FTO: variants seen among roughly 807,000 people sequenced by gnomAD.
The protein encoded by FTO is FTO alpha-ketoglutarate dependent dioxygenase.
A neutral mutation model predicts 63.9 loss-of-function variants in FTO; 47 were observed. The observed-to-expected ratio is 0.74, with a 90% CI of 0.58 to 0.94. FTO has a LOEUF of 0.94. FTO is among the 40% of genes least tolerant of loss of function. FTO has a pLI of 0.00. For missense variants in FTO, 562 were observed against 618.1 expected, an observed-to-expected ratio of 0.91 and a Z score of 0.96; for synonymous variants, 207 against 224.4, an observed-to-expected ratio of 0.92 and a Z score of 0.69.
chr16:53,874,303 A>G (rs1269217205), intron 5 of FTO, among the ~76,000 whole-genome samples: 2 of 152,190 alleles, frequency 1.3e-5, no homozygotes, highest in Admixed American at 1.3e-4. Context: ...ATGTGAATGT[A>G]AAGAGAAAGT....
intron 2 of FTO, among the ~76,000 whole-genome samples, chr16:53,823,945 A>G (rs2078935306): frequency 6.6e-6 from 1 of 152,154 alleles, no homozygotes; most frequent in Admixed American, 6.5e-5. Flanking sequence ...CATCTAATTC[A>G]TAAGCACATC....
intron 4 of FTO, among the ~76,000 whole-genome samples, chr16:53,854,758 A>G (rs1392543945): frequency 2.6e-5 from 4 of 152,118 alleles, no homozygotes; most frequent in Non-Finnish European, 4.4e-5. Flanking sequence ...TTCATTGGCT[A>G]TTCAGGCTCT....
intron 8 of FTO, among the ~76,000 whole-genome samples, chr16:54,074,915 A>AGT (rs1295546396): frequency 3.4e-4 from 43 of 127,350 alleles, no homozygotes; most frequent in East Asian, 1.1e-3. Flanking sequence ...AGAGAGAGAG[A>AGT]GAGTGTGTGT....
chr16:54,093,510 C>T (rs1404717671), intron 8 of FTO, among the ~76,000 whole-genome samples: 1 of 152,212 alleles, frequency 6.6e-6, no homozygotes, highest in Non-Finnish European at 1.5e-5. Flanking sequence ...TCTCCTGACT[C>T]ACCGCCGAGC....
At chr16:53,729,553 C>T (rs538720445) in intron 1 of FTO, among the ~76,000 whole-genome samples, 91 of 151,746 alleles carry the variant, frequency 6.0e-4, no homozygotes, top group Admixed American at 2.4e-3. Context: ...TTCACAATTT[C>T]GTGGAGATTT....
At chr16:54,026,208 C>T (rs771116251) in intron 8 of FTO, among the ~76,000 whole-genome samples, 1 of 152,174 alleles carries the variant, frequency 6.6e-6, no homozygotes, top group Non-Finnish European at 1.5e-5. Flanking sequence ...CTGGTGGCTC[C>T]ACAACATCAC....
At chr16:53,843,173 A>G (rs2079523102) in intron 3 of FTO, among the ~76,000 whole-genome samples, 1 of 152,238 alleles carries the variant, frequency 6.6e-6, no homozygotes, top group South Asian at 2.1e-4. Context: ...CTTACAAGCA[A>G]TACTACAATA....
chr16:53,917,709 AGTGTGTGTGTGTGTGTGTGTGTGTGT>A (rs35549801), intron 7 of FTO, among the ~76,000 whole-genome samples: 1 of 143,018 alleles, frequency 7.0e-6, no homozygotes, highest in Non-Finnish European at 1.5e-5. Context: ...AAATTGAGTG[AGTGTGTGTGTGTGTGTGTGTGTGTGT>A]GTGTGTGTCC....
chr16:53,891,674 C>G (rs2081154142), intron 7 of FTO, among the ~76,000 whole-genome samples: 3 of 151,954 alleles, frequency 2.0e-5, no homozygotes. Flanking sequence ...TACACACACA[C>G]AAATAAAAAA....
At chr16:53,796,488 A>G (rs926062174) in intron 1 of FTO, among the ~76,000 whole-genome samples, 2 of 152,208 alleles carry the variant, frequency 1.3e-5, no homozygotes, top group Non-Finnish European at 2.9e-5. Context: ...AATGATGAGA[A>G]TGTAAGAAGG....
At chr16:53,736,989 C>G (rs1367833520) in intron 1 of FTO, among the ~76,000 whole-genome samples, 3 of 152,156 alleles carry the variant, frequency 2.0e-5, no homozygotes, top group Admixed American at 6.5e-5. Context: ...TCCATTGTGC[C>G]CATTTATCAC....
chr16:53,790,314 A>G (rs62033406), intron 1 of FTO, among the ~76,000 whole-genome samples: 50,906 of 151,712 alleles, frequency 0.34, 9,950 homozygotes, highest in East Asian at 0.5. Context: ...GGCAACCACC[A>G]TTCTATTTTC....
intron 8 of FTO, chr16:53,979,445 C>T (rs1484449290): frequency 2.5e-6 from 1 of 398,376 alleles, no homozygotes; most frequent in Admixed American, 4.4e-5. Flanking sequence ...TGGAATATTA[C>T]AGTTTGAAAA....
intron 8 of FTO, among the ~76,000 whole-genome samples, chr16:54,081,118 T>C (rs1054374502): frequency 6.6e-6 from 1 of 152,078 alleles, no homozygotes; most frequent in Non-Finnish European, 1.5e-5. Flanking sequence ...GCATCAATAT[T>C]TTTTTTCAAC....
At chr16:54,050,024 C>T (rs1299061912) in intron 8 of FTO, among the ~76,000 whole-genome samples, 1 of 152,200 alleles carries the variant, frequency 6.6e-6, no homozygotes, top group Non-Finnish European at 1.5e-5. Context: ...TGACTTTTCT[C>T]TACATTCAAC....
chr16:53,776,402 G>C (rs1432675429), intron 1 of FTO, among the ~76,000 whole-genome samples: 1 of 152,130 alleles, frequency 6.6e-6, no homozygotes, highest in Non-Finnish European at 1.5e-5. Flanking sequence ...ATTCACTTTG[G>C]CTTCTTTCTG....
At chr16:53,721,381 A>G (rs1460275967) in intron 1 of FTO, among the ~76,000 whole-genome samples, 1 of 152,200 alleles carries the variant, frequency 6.6e-6, no homozygotes, top group Non-Finnish European at 1.5e-5. Flanking sequence ...TAAAATTGAT[A>G]AAAAATATTT....
At chr16:53,723,656 T>G (rs554992710) in intron 1 of FTO, among the ~76,000 whole-genome samples, 15 of 152,372 alleles carry the variant, frequency 9.8e-5, no homozygotes, top group African/African-American at 3.6e-4. Context: ...GCTATAATCA[T>G]ATAGGCTTTT....
intron 8 of FTO, chr16:54,071,719 A>G (rs2085876204): frequency 6.6e-6 from 1 of 152,180 alleles, no homozygotes; most frequent in African/African-American, 2.4e-5. Context: ...AAATGCTGAC[A>G]TCACAGATTG....
Sources: allele counts gnomAD v4.1 joint callset (sites outside exome capture counted in the v4.1 genomes callset), GRCh38; gene constraint gnomAD v4.1.1; transcripts MANE v1.5; gene names NCBI Gene and HGNC (gene_info 2026-07-23, HGNC 2026-07-21).